Variants in RAPGEF2 observed in about 807,000 individuals in gnomAD.
RAPGEF2 encodes PDZ domain containing guanine nucleotide exchange factor (GEF) 1.
In RAPGEF2, 54 loss-of-function variants were observed where a neutral mutation model predicts 186.7. The observed-to-expected ratio is 0.29, with a 90% CI of 0.23 to 0.36. RAPGEF2 has a LOEUF of 0.36. Among genes scored for constraint, RAPGEF2 ranks in the 10% least tolerant of loss-of-function variants. The pLI is 1.00. For missense variants in RAPGEF2, 1,532 were observed against 2,045.0 expected, an observed-to-expected ratio of 0.75 and a Z score of 4.84; for synonymous variants, 712 against 705.9, an observed-to-expected ratio of 1.01 and a Z score of -0.14.
rs187189740 is a variant in RAPGEF2 at position 159,232,738 on chromosome 4, A to G, written c.282-6071A>G. Among the ~76,000 whole-genome samples the G allele has an allele frequency of 3.4e-3, 516 of 152,300 alleles. 4 individuals are homozygous for G. Among genetic ancestry groups the G allele is most frequent in the African/African-American group, 0.012 (499 of 41,566 alleles). ...TTCCACAGTGGCTGTATCATTTTAC[A>G]TGCCCACCAGCAATGCACAGGGTTC... On this transcript the variant is annotated intron_variant, in intron 4 of 29. Transcript: ENST00000691494.
At chr4:159,299,559 A>G (rs1199898108) in intron 7 of RAPGEF2, among the ~76,000 whole-genome samples, 2 of 152,104 alleles carry the variant, frequency 1.3e-5, no homozygotes, top group African/African-American at 2.4e-5. Context: ...TTCAGGACGG[A>G]AAGGAAGAAG....
intron 9 of RAPGEF2, among the ~76,000 whole-genome samples, chr4:159,316,833 G>A (rs950866882): frequency 1.3e-5 from 2 of 152,174 alleles, no homozygotes; most frequent in African/African-American, 4.8e-5. Context: ...TTCCATCATA[G>A]CAAGAGTTGG....
chr4:159,189,856 T>C (rs1747936469), intron 2 of RAPGEF2, among the ~76,000 whole-genome samples: 1 of 152,256 alleles, frequency 6.6e-6, no homozygotes, highest in Non-Finnish European at 1.5e-5. Flanking sequence ...GTATACTTAC[T>C]GTGTACTTGA....
intron 7 of RAPGEF2, among the ~76,000 whole-genome samples, chr4:159,250,855 T>C (rs1212472323): frequency 7.9e-5 from 12 of 151,930 alleles, no homozygotes; most frequent in Non-Finnish European, 4.4e-5. Context: ...GCCACTGCGC[T>C]ATGGGGGCCC....
chr4:159,179,394 T>G (rs1746788272), intron 1 of RAPGEF2, among the ~76,000 whole-genome samples: 1 of 152,128 alleles, frequency 6.6e-6, no homozygotes, highest in East Asian at 1.9e-4. Context: ...TGAAATTTCC[T>G]TCTATGAATG....
intron 3 of RAPGEF2, among the ~76,000 whole-genome samples, chr4:159,194,434 G>C (rs1397394256): frequency 1.3e-5 from 2 of 152,092 alleles, no homozygotes; most frequent in African/African-American, 4.8e-5. Context: ...TGACACAGTG[G>C]TATCACAGAC....
chr4:159,171,063 A>C (rs1451830840), intron 1 of RAPGEF2, among the ~76,000 whole-genome samples: 1 of 152,146 alleles, frequency 6.6e-6, no homozygotes, highest in Non-Finnish European at 1.5e-5. Context: ...CTACTTCTTA[A>C]GTGGTCTACT....
chr4:159,282,955 A>C (rs1561207040), intron 7 of RAPGEF2, among the ~76,000 whole-genome samples: 1 of 152,200 alleles, frequency 6.6e-6, no homozygotes, highest in Non-Finnish European at 1.5e-5. Context: ...TGTTAAAAAA[A>C]ATGCCTTTTT....
rs1738302289 is a variant in RAPGEF2 at position 159,109,867 on chromosome 4, C to A, written c.69+5636C>A. On this transcript the variant is annotated intron_variant, in intron 1 of 29. Coordinates refer to ENST00000691494, the MANE Select transcript of RAPGEF2 (RefSeq NM_001394067.2). ...GTTCAGTGTGCTGGGAACCAGGGGA[C>A]TGAGGAGGGGGTAAGGAATGATTAC... Among the ~76,000 whole-genome samples the A allele has an allele frequency of 3.3e-5, 5 of 152,192 alleles. No individual in the cohort carries two copies. In the South Asian group the frequency reaches 1.0e-3, roughly 32 times the overall value.
intron 7 of RAPGEF2, among the ~76,000 whole-genome samples, chr4:159,248,352 T>G (rs1372737550): frequency 1.1e-4 from 16 of 152,152 alleles, no homozygotes; most frequent in Non-Finnish European, 5.9e-5. Context: ...CTGCCACAAA[T>G]TTTACTAAAA....
At position 159,331,852 on chromosome 4, in the gene RAPGEF2, C is replaced by A; in HGVS notation, c.1779+19C>A. The A allele has an allele frequency of 6.2e-7, 1 of 1,606,320 alleles. No homozygotes were observed. Among genetic ancestry groups the A allele is most frequent in the Non-Finnish European group, 8.5e-7 (1 of 1,177,834 alleles). On this transcript the variant is annotated intron_variant, in intron 15 of 29. Coordinates refer to ENST00000691494, the MANE Select transcript of RAPGEF2 (RefSeq NM_001394067.2). ...GGATCAGGTATGCCATTTCTAAACT[C>A]ATTTAAGGGTGAATTTTGGTGTCTG...
chr4:159,193,161 G>C (rs757632578), intron 2 of RAPGEF2, 39 bp from the exon 3 acceptor site: 18 of 1,309,342 alleles, frequency 1.4e-5, no homozygotes, highest in Non-Finnish European at 1.8e-5. Context: ...CTGTTTTTTA[G>C]TGACAGATGT....
intron 1 of RAPGEF2, among the ~76,000 whole-genome samples, chr4:159,108,131 A>G (rs540939290): frequency 6.6e-6 from 1 of 151,994 alleles, no homozygotes; most frequent in South Asian, 2.1e-4. Context: ...TTCAAACTCT[A>G]TTGGTATGTG....
intron 1 of RAPGEF2, among the ~76,000 whole-genome samples, chr4:159,135,826 C>T (rs1421802574): frequency 6.6e-6 from 1 of 151,612 alleles, no homozygotes; most frequent in Non-Finnish European, 1.5e-5. Flanking sequence ...CTCAAACTCT[C>T]GACCTCAGGT....
chr4:159,307,453 T>C (rs1763438440), intron 8 of RAPGEF2, among the ~76,000 whole-genome samples: 1 of 152,162 alleles, frequency 6.6e-6, no homozygotes, highest in African/African-American at 2.4e-5. Context: ...TATCGAAGAG[T>C]TCCCTTGTGT....
Position 159,331,720 on chromosome 4 carries a change from G to A in RAPGEF2, c.1666G>A (p.Ala556Thr). Reference protein sequence around the residue: ...LMTLTKPSREAPLPFILLGGS... With the variant: ...LMTLTKPSRETPLPFILLGGS... ...GACGTTAACAAAACCATCCCGAGAA[G>A]CTCCTTTGCCTTTTATCTTACTTGG... Residue 556 changes from alanine (A) to threonine (T), a missense_variant, in exon 15 of 30, where the codon GCT becomes ACT. By Grantham distance (58) the Ala-to-Thr change is moderately conservative. Transcript: ENST00000691494. 2 of 1,614,080 alleles carry A rather than the reference G, an allele frequency of 1.2e-6. No individual in the cohort carries two copies. Among genetic ancestry groups the A allele is most frequent in the Non-Finnish European group, 8.5e-7 (1 of 1,179,996 alleles).
chr4:159,110,770 TTGAG>T (rs1186048977), intron 1 of RAPGEF2, among the ~76,000 whole-genome samples: 2 of 152,202 alleles, frequency 1.3e-5, no homozygotes, highest in Non-Finnish European at 1.5e-5. Context: ...AATGATGGCA[TTGAG>T]TCTTTGAGAA....
chr4:159,280,511 G>A (rs1224381820), intron 7 of RAPGEF2, among the ~76,000 whole-genome samples: 1 of 152,138 alleles, frequency 6.6e-6, no homozygotes, highest in Non-Finnish European at 1.5e-5. Flanking sequence ...AGAGTAGGTA[G>A]GACAAGAGCA....
chr4:159,125,923 C>A (rs1740252488), intron 1 of RAPGEF2, among the ~76,000 whole-genome samples: 1 of 152,122 alleles, frequency 6.6e-6, no homozygotes, highest in African/African-American at 2.4e-5. Flanking sequence ...GAGACACTGA[C>A]CACTCAGAAT....
Sources: gnomAD v4.1 joint callset for allele counts (sites outside exome capture counted in the v4.1 genomes callset) on GRCh38, gnomAD v4.1.1 for gene constraint, MANE v1.5 for transcripts, NCBI Gene and HGNC (gene_info 2026-07-23, HGNC 2026-07-21) for gene names.